The following NUP160 variants were observed in gnomAD, a reference collection of about 807,000 sequenced individuals.
NUP160 encodes nucleoporin 160.
NUP160 carries 94 observed loss-of-function variants against 196.9 expected under a neutral mutation model. The observed-to-expected ratio is 0.48, with a 90% CI of 0.40 to 0.57. The LOEUF is 0.57. NUP160 is among the 20% of genes least tolerant of loss of function. NUP160 has a pLI of 0.00. For synonymous variants in NUP160, 605 were observed against 619.7 expected (o/e 0.98, Z 0.35); for missense variants, 1,638 against 1,748.3 (o/e 0.94, Z 1.13).
At chr11:47,808,148 G>A (rs1359498684) in intron 18 of NUP160, among the ~76,000 whole-genome samples, 1 of 152,166 alleles carries the variant, frequency 6.6e-6, no homozygotes, top group East Asian at 1.9e-4. Flanking sequence ...GGGCATGATG[G>A]CAGGTGCCTG....
chr11:47,841,861 T>C (rs1852305622), intron 2 of NUP160, among the ~76,000 whole-genome samples: 1 of 152,020 alleles, frequency 6.6e-6, no homozygotes, highest in African/African-American at 2.4e-5. Context: ...CTAATTTTTG[T>C]ATTTTTTAGT....
chr11:47,795,380 A>G (rs886804721), intron 27 of NUP160, among the ~76,000 whole-genome samples: 3 of 152,234 alleles, frequency 2.0e-5, no homozygotes, highest in African/African-American at 7.2e-5. Flanking sequence ...TGTTATTGTG[A>G]AAGCAGATAC....
In NUP160 at chr11:47,847,877, G is replaced by C. The variant is rs1384062765; in HGVS notation, c.285C>G (p.Phe95Leu). ...GAATGAACCTGTTTCTGGTTACGGA[G>C]AACAACTTGCCACTCTCCACGTAGT... Residue 95 changes from phenylalanine (F) to leucine (L), a missense_variant, in exon 2 of 36, where the codon TTC (phenylalanine) becomes TTG (leucine). Coordinates refer to ENST00000378460, the Ensembl canonical transcript of NUP160. 6.2e-7 allele frequency: 1 copy of C among 1,613,782 alleles called. No homozygotes were observed. The highest frequency in any genetic ancestry group is 1.7e-5 in the Admixed American group (1 of 60,018).
chr11:47,840,995 A>G (rs1470022565), intron 2 of NUP160, among the ~76,000 whole-genome samples: 1 of 149,194 alleles, frequency 6.7e-6, no homozygotes, highest in African/African-American at 2.5e-5. Flanking sequence ...TTAACCTGCA[A>G]TAGCATGCAT....
rs568744992 is a variant in NUP160, at chr11:47,821,490, G to A, written c.1277+234C>T. ...CTCATGCTACAGCCTTGCCTCCCGA[G>A]GAGCTGGGATTATAGGCACCTGCCA... On this transcript the variant is annotated intron_variant, in intron 9 of 35. Transcript: ENST00000378460. The A allele has an allele frequency of 8.9e-5, 41 of 462,714 alleles. No individual in the cohort carries two copies. The East Asian group carries it at 1.5e-3, about 17-fold the overall frequency. The allele number at this position is 462,714 out of a possible 1,614,324, so 28.7% of individuals were successfully genotyped here.
chr11:47,785,056 C>A, exon 33 of NUP160: 1 of 1,467,364 alleles, frequency 6.8e-7, no homozygotes, highest in Non-Finnish European at 9.1e-7. Flanking sequence ...CATGCTTCAT[C>A]TGTAGCACTT....
At chr11:47,838,941 T>C (rs923984755) in intron 4 of NUP160, among the ~76,000 whole-genome samples, 4 of 151,138 alleles carry the variant, frequency 2.6e-5, no homozygotes, top group East Asian at 2.0e-4. Flanking sequence ...GAGGTGGAGA[T>C]TGCAGTGAGC....
In NUP160 at chr11:47,821,823, T is replaced by TA; in HGVS notation, c.1180-3dup. 6.2e-7 allele frequency: 1 copy of TA among 1,609,894 alleles called. No homozygotes were observed. The highest frequency in any genetic ancestry group is 8.5e-7 in the Non-Finnish European group (1 of 1,176,210). ...TAAGGCAAAGTCAATCAGTGTCTCC[T>TA]AGGAGGAAATGTGGGAAAAAAAGGG... On this transcript the variant is annotated splice_region_variant and splice_polypyrimidine_tract_variant and intron_variant, in intron 8 of 35. Transcript: ENST00000378460.
chr11:47,799,107 T>G (rs79939706), intron 23 of NUP160, among the ~76,000 whole-genome samples: 1 of 152,050 alleles, frequency 6.6e-6, no homozygotes, highest in Non-Finnish European at 1.5e-5. Context: ...TTTTTTTTTT[T>G]GAGACAGGGT....
At chr11:47,794,914 AAAAC>A (rs752709887) in intron 27 of NUP160, among the ~76,000 whole-genome samples, 3 of 151,986 alleles carry the variant, frequency 2.0e-5, no homozygotes, top group Non-Finnish European at 2.9e-5. Flanking sequence ...CTCTGTCTCG[AAAAC>A]AAACAAACAA....
intron 2 of NUP160, among the ~76,000 whole-genome samples, chr11:47,843,520 C>T (rs1391415141): frequency 2.0e-5 from 3 of 152,178 alleles, no homozygotes; most frequent in African/African-American, 2.4e-5. Flanking sequence ...CCCCAGGGTT[C>T]AGTCCCAGAC....
chr11:47,788,063 A>G, intron 31 of NUP160, 119 bp downstream of exon 31: 1 of 894,164 alleles, frequency 1.1e-6, no homozygotes, highest in Non-Finnish European at 1.7e-6. Context: ...TAAACAAAAC[A>G]CTTCTTCAAA....
At chr11:47,803,469 C>G in exon 22 of NUP160, 1 of 1,611,086 alleles carries the variant, frequency 6.2e-7, no homozygotes, top group Non-Finnish European at 8.5e-7. Flanking sequence ...TAGGTAACAC[C>G]TTCCCAGCAT....
intron 19 of NUP160, 173 bp from the exon 20 acceptor site, chr11:47,806,485 T>G (rs2097677731): frequency 3.7e-6 from 2 of 537,372 alleles, no homozygotes. Flanking sequence ...CTGTAAATTG[T>G]GAGGCACTAT....
intron 11 of NUP160, 148 bp downstream of exon 11, chr11:47,817,908 A>T (rs1851770691): frequency 1.8e-6 from 1 of 547,890 alleles, no homozygotes; most frequent in South Asian, 3.1e-5. Flanking sequence ...AAGAACATTA[A>T]AAAAATTATA....
At chr11:47,804,867 T>C (rs918165653) in intron 20 of NUP160, among the ~76,000 whole-genome samples, 2 of 152,136 alleles carry the variant, frequency 1.3e-5, no homozygotes, top group African/African-American at 2.4e-5. Flanking sequence ...CCAGGCACGG[T>C]GGCTCACTCC....
exon 16 of NUP160, chr11:47,812,429 T>C: frequency 6.2e-7 from 1 of 1,612,154 alleles, no homozygotes; most frequent in Non-Finnish European, 8.5e-7. Flanking sequence ...TCACATTTTC[T>C]CTATAAGGAC....
chr11:47,792,344 C>T (rs2097668369), intron 28 of NUP160: 1 of 244,086 alleles, frequency 4.1e-6, no homozygotes, highest in Non-Finnish European at 7.8e-6. Flanking sequence ...AAAACAGTAA[C>T]TGTAGACTGC....
At chr11:47,803,587 G>A in intron 21 of NUP160, 51 bp from the exon 22 acceptor site, 1 of 962,372 alleles carries the variant, frequency 1.0e-6, no homozygotes, top group Non-Finnish European at 1.7e-6. Flanking sequence ...GTTACTTAAG[G>A]AGATACTCAT....
Sources: gnomAD v4.1 joint callset for allele counts (sites outside exome capture counted in the v4.1 genomes callset) on GRCh38, gnomAD v4.1.1 for gene constraint, MANE v1.5 for transcripts, NCBI Gene and HGNC (gene_info 2026-07-23, HGNC 2026-07-21) for gene names.